Variants in PANK4 observed in about 807,000 individuals in gnomAD.
PANK4 encodes 4'-phosphopantetheine phosphatase.
Under a neutral mutation model 87.9 loss-of-function variants are expected in PANK4, and 40 were observed. The ratio of observed to expected loss-of-function variants is 0.46; its 90% CI spans 0.35 to 0.59. The LOEUF (loss-of-function observed/expected upper bound fraction) is 0.59. PANK4 is among the 20% of genes least tolerant of loss of function. PANK4 has a pLI of 0.00. For missense variants in PANK4, 926 were observed against 1,072.3 expected (o/e 0.86, Z 1.90); for synonymous variants, 524 against 467.4 (o/e 1.12, Z -1.56).
At chr1:2,521,344 G>A in intron 2 of PANK4, 29 bp from the exon 3 acceptor site, 3 of 1,556,850 alleles carry the variant, frequency 1.9e-6, no homozygotes, top group Non-Finnish European at 2.7e-6. Flanking sequence ...GAGGCCGCAT[G>A]TGTGTGGGAC....
In PANK4 at chr1:2,520,948, G is replaced by T. The variant is rs372687987; in HGVS notation, c.423-42C>A. Reference sequence around the variant, plus strand: ...AACCCCTTAAAGAGTCTGGGCCACAGACAGGTGCAACCATGCAAGCCTGCC... The same window carrying T: ...AACCCCTTAAAGAGTCTGGGCCACATACAGGTGCAACCATGCAAGCCTGCC... On this transcript the variant is annotated intron_variant, in intron 3 of 18. Coordinates refer to ENST00000378466, the MANE Select transcript of PANK4 (RefSeq NM_018216.4). This position sits in a 1 kb window ranked among gnomAD's most constrained non-coding sequence, Gnocchi z 6.2. The T allele has an allele frequency of 6.5e-7, 1 of 1,535,682 alleles. No homozygotes were observed.
At chr1:2,524,073 C>T (rs1004878630) in intron 1 of PANK4, among the ~76,000 whole-genome samples, 5 of 152,256 alleles carry the variant, frequency 3.3e-5, no homozygotes, top group African/African-American at 1.2e-4. Flanking sequence ...GCAGACACCA[C>T]CGCCCCGTGG....
intron 1 of PANK4, 110 bp from the exon 2 acceptor site, chr1:2,521,910 G>T: frequency 1.2e-6 from 1 of 831,588 alleles, no homozygotes; most frequent in Non-Finnish European, 2.1e-6. Flanking sequence ...CTCTGTAGAT[G>T]AGGGGTTTGG....
At chr1:2,517,569 C>G (rs1018989328) in intron 9 of PANK4, among the ~76,000 whole-genome samples, 6 of 152,346 alleles carry the variant, frequency 3.9e-5, no homozygotes, top group African/African-American at 1.2e-4. Context: ...GGGGGCATCC[C>G]GTGGCTGACG....
intron 9 of PANK4, chr1:2,516,030 T>C: frequency 2.2e-6 from 1 of 459,694 alleles, no homozygotes; most frequent in Non-Finnish European, 4.0e-6. Context: ...TCACCCCTCC[T>C]CCACCATCCC....
At chr1:2,511,710 T>G (rs1180241584) in intron 13 of PANK4, 27 bp from the exon 14 acceptor site, 2 of 1,489,116 alleles carry the variant, frequency 1.3e-6, no homozygotes, top group Admixed American at 3.4e-5. Context: ...AAAAGAAAAT[T>G]AAGACAACAG....
chr1:2,521,512 C>T (rs1335368201), intron 2 of PANK4, 197 bp from the exon 3 acceptor site: 2 of 690,696 alleles, frequency 2.9e-6, no homozygotes, highest in Admixed American at 4.4e-5. Context: ...GGAAGCCTCT[C>T]CCGGGGGAGC....
chr1:2,510,160 G>T lies in PANK4; in HGVS notation c.1939-3C>A. 6.3e-7 allele frequency: 1 copy of T among 1,581,986 alleles called. No homozygotes were observed. Among genetic ancestry groups the T allele is most frequent in the Non-Finnish European group, 8.6e-7 (1 of 1,157,782 alleles). On this transcript the variant is annotated splice_polypyrimidine_tract_variant and splice_region_variant and intron_variant, in intron 16 of 18. Transcript: ENST00000378466. The surrounding 1 kb of genome is among the most constrained non-coding windows in gnomAD (Gnocchi z 4.9). ...CCTGAGTTGCACGCCAGGATGACCT[G>T]CAGGAGGAGGGCCCAGGCTCTTTAG...
At chr1:2,516,339 C>T (rs367599891) in intron 9 of PANK4, among the ~76,000 whole-genome samples, 2 of 152,218 alleles carry the variant, frequency 1.3e-5, no homozygotes, top group East Asian at 1.9e-4. Context: ...CCATTATGCA[C>T]CCAGGGCACC....
rs770321897 is a variant in PANK4, at chr1:2,521,819, C to G, written c.125-19G>C. 3.7e-6 allele frequency: 6 copies of G among 1,607,340 alleles called. No individual in the cohort carries two copies. The highest frequency in any genetic ancestry group is 5.1e-6 in the Non-Finnish European group (6 of 1,174,016). The stretch of plus-strand genomic sequence containing the variant: ...GACCCGCCTGCAGGGGAGACACAAA[C>G]CGGGCAGGATTCAGGACCAGGACAC... On this transcript the variant is annotated intron_variant, in intron 1 of 18. Coordinates refer to ENST00000378466, the MANE Select transcript of PANK4 (RefSeq NM_018216.4).
In PANK4 at chr1:2,515,631, C is replaced by T. The variant is rs371406758; in HGVS notation, c.1305G>A (p.Thr435=). 2.9e-5 allele frequency: 46 copies of T among 1,613,198 alleles called. No individual in the cohort carries two copies. Among genetic ancestry groups the T allele is most frequent in the Middle Eastern group, 3.3e-4 (2 of 6,052 alleles). ...LLDPPSYVPD[T]VDLTDDALAR... ...CCAGAGCGTCATCGGTGAGGTCCAC[C>T]GTGTCGGGCACGTAGGAGGGCGGGT... The change falls in exon 10 of 19, where the codon ACG becomes ACA. Residue 435 remains threonine (T), a synonymous_variant. Transcript: ENST00000378466. This position sits in a 1 kb window ranked among gnomAD's most constrained non-coding sequence, Gnocchi z 5.0.
In PANK4 at chr1:2,515,181, C is replaced by T. The variant is rs928729021; in HGVS notation, c.1374+381G>A. On this transcript the variant is annotated intron_variant, in intron 10 of 18. Transcript: ENST00000378466. This position sits in a 1 kb window ranked among gnomAD's most constrained non-coding sequence, Gnocchi z 5.0. Reference sequence around the variant, plus strand: ...CGCAGGAGTCCCAAGGTGGCCTCGCCGGGAGCTTGCTGGGGCTGAGTCTCA... The same window carrying T: ...CGCAGGAGTCCCAAGGTGGCCTCGCTGGGAGCTTGCTGGGGCTGAGTCTCA... 14 of 407,130 alleles carry T rather than the reference C, an allele frequency of 3.4e-5. No homozygotes were observed. The highest frequency in any genetic ancestry group is 1.6e-4 in the African/African-American group (8 of 48,948). The allele number at this position is 407,130 out of a possible 1,614,324, so 25.2% of individuals were successfully genotyped here. A position where few individuals can be genotyped will look rare whatever the true frequency, so the allele number is the denominator to read the frequency against.
chr1:2,514,929 C>T (rs1045822665), intron 10 of PANK4, among the ~76,000 whole-genome samples: 1 of 152,012 alleles, frequency 6.6e-6, no homozygotes, highest in African/African-American at 2.4e-5. Context: ...CATCCTGTGC[C>T]GGGGACGAGG....
At position 2,520,042 on chromosome 1, in the gene PANK4, C is replaced by T. The variant is rs79756857; in HGVS notation, c.700-88G>A. ...GAAACCAAGCCCATGGCAGGAGGCA[C>T]GCGCGGGCAGGGGGTAAATGGGCCC... On this transcript the variant is annotated intron_variant, in intron 5 of 18. Coordinates refer to ENST00000378466, the MANE Select transcript of PANK4 (RefSeq NM_018216.4). The surrounding 1 kb of genome is among the most constrained non-coding windows in gnomAD (Gnocchi z 6.2). 2.2e-3 allele frequency: 2,883 copies of T among 1,313,878 alleles called. 52 individuals carry two copies. In the Admixed American group the frequency reaches 0.038, roughly 17 times the overall value. The allele number at this position is 1,313,878 out of a possible 1,614,324, so 81.4% of individuals were successfully genotyped here. A position where few individuals can be genotyped will look rare whatever the true frequency, so the allele number is the denominator to read the frequency against.
rs113844917 is a variant in PANK4, at chr1:2,520,641, A to C, written c.606+82T>G. 1.4e-3 allele frequency: 1,895 copies of C among 1,372,340 alleles called. 26 individuals carry two copies. The African/African-American group carries it at 0.024, about 17-fold the overall frequency. The allele number at this position is 1,372,340 out of a possible 1,614,324, so 85.0% of individuals were successfully genotyped here. ...CCCACTGGGCCCCATCCATGTGCCC[A>C]GCCCTGGCTCCTGCACACAGCGAGG... On this transcript the variant is annotated intron_variant, in intron 4 of 18. Transcript: ENST00000378466. The surrounding 1 kb of genome is among the most constrained non-coding windows in gnomAD (Gnocchi z 6.2).
chr1:2,513,660 C>A (rs1477055203), intron 12 of PANK4, among the ~76,000 whole-genome samples: 1 of 152,218 alleles, frequency 6.6e-6, no homozygotes, highest in Non-Finnish European at 1.5e-5. Flanking sequence ...ACCACAATCG[C>A]CCACCCTCAC....
In PANK4 at chr1:2,519,606, G is replaced by A. The variant is rs137867508; in HGVS notation, c.853+195C>T. On this transcript the variant is annotated intron_variant, in intron 6 of 18. Transcript: ENST00000378466. The surrounding 1 kb of genome is among the most constrained non-coding windows in gnomAD (Gnocchi z 8.3). The stretch of plus-strand genomic sequence containing the variant: ...TTTCTTCCAAAACCAAGACCGTGGC[G>A]TTTATCTGCCGACGTTCTGAGCAGT... Among the ~76,000 whole-genome samples the A allele has an allele frequency of 1.7e-3, 258 of 152,378 alleles. No individual in the cohort carries two copies. Among genetic ancestry groups the A allele is most frequent in the Non-Finnish European group, 2.7e-3 (183 of 68,034 alleles).
Position 2,515,479 on chromosome 1 carries a change from C to T in PANK4, c.1374+83G>A. On this transcript the variant is annotated intron_variant, in intron 10 of 18. Coordinates refer to ENST00000378466, the MANE Select transcript of PANK4 (RefSeq NM_018216.4). This position sits in a 1 kb window ranked among gnomAD's most constrained non-coding sequence, Gnocchi z 5.0. ...ACAACACTGGCCTGTCCCCCTTCGCCACCTTGGCTTTGCCCCCGGAGCCTT... is the reference window on the plus strand; with the variant it reads ...ACAACACTGGCCTGTCCCCCTTCGCTACCTTGGCTTTGCCCCCGGAGCCTT... The T allele has an allele frequency of 6.9e-7, 1 of 1,457,694 alleles. No individual in the cohort carries two copies. The highest frequency in any genetic ancestry group is 1.7e-4 in the Middle Eastern group (1 of 5,760). The allele number at this position is 1,457,694 out of a possible 1,614,324, so 90.3% of individuals were successfully genotyped here.
At position 2,515,952 on chromosome 1, in the gene PANK4, GCCT is replaced by G. The variant is rs980670853; in HGVS notation, c.1219-238_1219-236del. On this transcript the variant is annotated intron_variant, in intron 9 of 18. Transcript: ENST00000378466. This position sits in a 1 kb window ranked among gnomAD's most constrained non-coding sequence, Gnocchi z 5.0. ...GGGGTTGCGTCTGCTCCCACCACAC[GCCT>G]CCTGCCCCCAGCACCTCCCCGCTGC... 9.4e-4 allele frequency: 541 copies of G among 576,880 alleles called. 2 individuals carry two copies. Among genetic ancestry groups the G allele is most frequent in the Non-Finnish European group, 3.3e-4 (108 of 323,040 alleles). The allele number at this position is 576,880 out of a possible 1,614,324, so 35.7% of individuals were successfully genotyped here.
Sources: allele counts gnomAD v4.1 joint callset (sites outside exome capture counted in the v4.1 genomes callset), GRCh38; gene constraint gnomAD v4.1.1; non-coding constraint Gnocchi (gnomAD v3.1); transcripts MANE v1.5; gene names NCBI Gene and HGNC (gene_info 2026-07-23, HGNC 2026-07-21).